Variants in RALGPS1 observed in about 807,000 individuals in gnomAD.
RALGPS1 encodes ras-specific guanine nucleotide-releasing factor RalGPS1.
In RALGPS1, 19 loss-of-function variants were observed where a neutral mutation model predicts 78.8. That is an observed-to-expected ratio of 0.24 (90% CI 0.17 to 0.35). The LOEUF is 0.35. Ranked by LOEUF, RALGPS1 falls within the 10% of genes least tolerant of loss-of-function variation. The pLI, the probability that RALGPS1 is intolerant of heterozygous loss-of-function variation, is 1.00. For synonymous variants in RALGPS1, 228 were observed against 256.3 expected, an observed-to-expected ratio of 0.89 and a Z score of 1.06; for missense variants, 454 against 688.3, an observed-to-expected ratio of 0.66 and a Z score of 3.81.
At chr9:126,925,610 C>T (rs1307866210) in intron 1 of RALGPS1, among the ~76,000 whole-genome samples, 1 of 151,872 alleles carries the variant, frequency 6.6e-6, no homozygotes, top group Non-Finnish European at 1.5e-5. Flanking sequence ...CCCAGATACT[C>T]AGAAGGCTAA....
intron 4 of RALGPS1, among the ~76,000 whole-genome samples, chr9:127,000,663 C>T (rs1465575713): frequency 6.8e-6 from 1 of 147,826 alleles, no homozygotes; most frequent in Non-Finnish European, 1.5e-5. Context: ...ATTCTCCTGC[C>T]TCAGCCTCCA....
intron 1 of RALGPS1, among the ~76,000 whole-genome samples, chr9:126,952,666 T>TGTGTGTGTGTGTGTGC (rs1228359819): frequency 9.4e-6 from 1 of 106,498 alleles, no homozygotes; most frequent in East Asian, 5.8e-4. Flanking sequence ...AGTGTGTGTG[T>TGTGTGTGTGTGTGTGC]GTGTGTGTGT....
chr9:126,960,158 C>A (rs562331412), intron 1 of RALGPS1, among the ~76,000 whole-genome samples: 1 of 140,110 alleles, frequency 7.1e-6, no homozygotes, highest in African/African-American at 2.7e-5. Context: ...CCCTTTCTTC[C>A]CTTCCTTCCC....
chr9:127,106,301 C>A (rs1263594991), intron 8 of RALGPS1, among the ~76,000 whole-genome samples: 1 of 152,210 alleles, frequency 6.6e-6, no homozygotes, highest in Non-Finnish European at 1.5e-5. Flanking sequence ...AATTAACACA[C>A]CCTGCCCTCT....
At chr9:127,052,445 T>G (rs544412832) in intron 6 of RALGPS1, among the ~76,000 whole-genome samples, 2 of 152,246 alleles carry the variant, frequency 1.3e-5, no homozygotes, top group South Asian at 2.1e-4. Context: ...TGCAGATTGG[T>G]ACCATCTTTC....
At chr9:126,980,499 C>T (rs368651792) in intron 4 of RALGPS1, among the ~76,000 whole-genome samples, 1 of 152,230 alleles carries the variant, frequency 6.6e-6, no homozygotes, top group Non-Finnish European at 1.5e-5. Context: ...TTTGACTGGG[C>T]ACCCTAGTGG....
chr9:126,955,886 G>A (rs143181403), intron 1 of RALGPS1, among the ~76,000 whole-genome samples: 125 of 152,280 alleles, frequency 8.2e-4, no homozygotes, highest in African/African-American at 2.7e-3. Context: ...GTTTAGGAAC[G>A]AGCTTTGGTC....
chr9:127,003,932 T>A lies in RALGPS1; in HGVS notation c.216+26187T>A, dbSNP rs1173900483. On this transcript the variant is annotated intron_variant, in intron 4 of 18. Transcript: ENST00000259351. ...TGTCAGAAGACGAAACAGTACCAAA[T>A]GCAGAGTTCACCTCAGCACATTTAT... 6.6e-5 allele frequency among the ~76,000 whole-genome samples: 10 copies of A among 152,320 alleles called. No individual in the cohort carries two copies. In the East Asian group the frequency reaches 1.3e-3, roughly 21 times the overall value.
rs140786887 is a variant in RALGPS1 at position 127,175,037 on chromosome 9, G to A, written c.910+255G>A. On this transcript the variant is annotated intron_variant, in intron 11 of 18. Coordinates refer to ENST00000259351, the MANE Select transcript of RALGPS1 (RefSeq NM_014636.3). ...CTGGGCCTGAACAGCCCCAAGAGAG[G>A]CAGGATCAGAGCCCCAAGTTGGGAG... 5.5e-3 allele frequency among the ~76,000 whole-genome samples: 842 copies of A among 152,342 alleles called. 6 individuals are homozygous for A. Among genetic ancestry groups the A allele is most frequent in the Non-Finnish European group, 8.0e-3 (544 of 68,032 alleles).
intron 8 of RALGPS1, chr9:127,108,308 G>A (rs747423032): frequency 6.2e-7 from 1 of 1,613,896 alleles, no homozygotes; most frequent in Non-Finnish European, 8.5e-7. Context: ...ATCTCGTGCA[G>A]GAGCTGCATG....
At chr9:126,942,255 G>C (rs962521674) in intron 1 of RALGPS1, among the ~76,000 whole-genome samples, 2 of 150,196 alleles carry the variant, frequency 1.3e-5, no homozygotes, top group African/African-American at 4.9e-5. Context: ...AAATCTACCA[G>C]TAGTTTTCTG....
chr9:127,062,640 A>G (rs1351577586), intron 7 of RALGPS1, among the ~76,000 whole-genome samples: 1 of 152,158 alleles, frequency 6.6e-6, no homozygotes, highest in Non-Finnish European at 1.5e-5. Flanking sequence ...ATGAGGCATA[A>G]TTTGCCTTTC....
chr9:127,202,762 G>A (rs558931426), intron 14 of RALGPS1, among the ~76,000 whole-genome samples: 1 of 152,328 alleles, frequency 6.6e-6, no homozygotes, highest in South Asian at 2.1e-4. Context: ...CTATGGGCAG[G>A]GGTGGGCCTG....
chr9:126,962,774 G>A (rs1247315998), intron 2 of RALGPS1, among the ~76,000 whole-genome samples: 1 of 152,376 alleles, frequency 6.6e-6, no homozygotes, highest in Admixed American at 6.5e-5. Context: ...GTCTGCAGTG[G>A]CCTGGGCTAG....
chr9:127,044,417 T>C (rs7025175), intron 5 of RALGPS1, among the ~76,000 whole-genome samples: 83,767 of 151,810 alleles, frequency 0.55, 23,778 homozygotes, highest in African/African-American at 0.67. Flanking sequence ...CCACCATACC[T>C]GGCTAATTTT....
intron 1 of RALGPS1, among the ~76,000 whole-genome samples, chr9:126,918,259 C>G (rs1010867005): frequency 2.0e-5 from 3 of 152,200 alleles, no homozygotes; most frequent in Non-Finnish European, 2.9e-5. Context: ...CGTAAACATA[C>G]ATAATTCTTC....
At chr9:127,096,191 A>ACCTC (rs925555747) in intron 8 of RALGPS1, among the ~76,000 whole-genome samples, 1 of 151,984 alleles carries the variant, frequency 6.6e-6, no homozygotes, top group African/African-American at 2.4e-5. Context: ...GGGAGGCTAG[A>ACCTC]CCTCCAGAAA....
intron 1 of RALGPS1, among the ~76,000 whole-genome samples, chr9:126,939,465 G>A (rs771467583): frequency 2.6e-5 from 4 of 152,240 alleles, no homozygotes; most frequent in Admixed American, 6.5e-5. Context: ...GATGGCTTCA[G>A]TTAAGGAACT....
At chr9:127,159,463 C>T (rs1392028046) in intron 8 of RALGPS1, among the ~76,000 whole-genome samples, 1 of 152,212 alleles carries the variant, frequency 6.6e-6, no homozygotes, top group Non-Finnish European at 1.5e-5. Context: ...ATCCAGAAAG[C>T]GTGGCCTCTG....
Sources: allele counts gnomAD v4.1 joint callset (sites outside exome capture counted in the v4.1 genomes callset), GRCh38; gene constraint gnomAD v4.1.1; transcripts MANE v1.5; gene names NCBI Gene and HGNC (gene_info 2026-07-23, HGNC 2026-07-21).